The following GYPC variants were observed in gnomAD, a reference collection of about 807,000 sequenced individuals.
GYPC encodes the protein glycophorin-C.
A neutral mutation model predicts 12.6 loss-of-function variants in GYPC; 14 were observed. That is an observed-to-expected ratio of 1.11 (90% CI 0.74 to 1.74). GYPC has a LOEUF of 1.74. GYPC is among the 40% of genes most tolerant of loss of function. The pLI, the probability that GYPC is intolerant of heterozygous loss-of-function variation, is 0.00. For synonymous variants in GYPC, 78 were observed against 62.1 expected (o/e 1.26, Z -1.20); for missense variants, 225 against 172.1 (o/e 1.31, Z -1.72).
chr2:126,690,169 G>C (rs776074372), intron 1 of GYPC, 86 bp from the exon 2 acceptor site: 3 of 972,048 alleles, frequency 3.1e-6, no homozygotes, highest in Non-Finnish European at 5.0e-6. Flanking sequence ...GCTCACACCT[G>C]AGCAAAGGAT....
intron 1 of GYPC, among the ~76,000 whole-genome samples, chr2:126,672,584 G>A (rs1682881488): frequency 6.6e-6 from 1 of 152,174 alleles, no homozygotes. Flanking sequence ...GGACCCTTAG[G>A]GAGCAGGGAG....
chr2:126,694,945 C>T (rs577421767), intron 3 of GYPC, among the ~76,000 whole-genome samples: 319 of 152,290 alleles, frequency 2.1e-3, no homozygotes, highest in Admixed American at 5.7e-3. Context: ...CCCCACCCCT[C>T]TGGAGTCCCA....
chr2:126,672,132 G>C (rs1044960481), intron 1 of GYPC, among the ~76,000 whole-genome samples: 3 of 152,154 alleles, frequency 2.0e-5, no homozygotes, highest in African/African-American at 4.8e-5. Context: ...GTGGTAGAGA[G>C]ATGAGGGGAC....
At chr2:126,669,720 C>T (rs933557597) in intron 1 of GYPC, among the ~76,000 whole-genome samples, 2 of 152,138 alleles carry the variant, frequency 1.3e-5, no homozygotes, top group African/African-American at 2.4e-5. Context: ...CAGGACGTGG[C>T]GGTCACAGGA....
At chr2:126,685,917 G>A (rs1281273225) in intron 1 of GYPC, 1 of 985,234 alleles carries the variant, frequency 1.0e-6, no homozygotes, top group Non-Finnish European at 1.2e-6. Flanking sequence ...ACACCTAGGT[G>A]TTCTAGTCTG....
In GYPC at chr2:126,656,208, C is replaced by A. The variant is rs1682346296; in HGVS notation, c.-56C>A. The A allele has an allele frequency of 1.9e-6, 3 of 1,552,930 alleles. No homozygotes were observed. The highest frequency in any genetic ancestry group is 1.9e-5 in the Admixed American group (1 of 52,640). ...CCGGGAGCGCGACCCTCCCCCGGCC[C>A]GGCCTGGCCCGGCCTGGCCAGTCCC... On this transcript the variant is annotated 5_prime_UTR_variant, in exon 1 of 4. Coordinates refer to ENST00000259254, the MANE Select transcript of GYPC (RefSeq NM_002101.5).
At chr2:126,692,740 A>G (rs1683510763) in intron 2 of GYPC, among the ~76,000 whole-genome samples, 1 of 152,198 alleles carries the variant, frequency 6.6e-6, no homozygotes, top group African/African-American at 2.4e-5. Flanking sequence ...ATAGTGTCAT[A>G]GAGTGGTCCT....
At chr2:126,688,135 C>A (rs937892844) in intron 1 of GYPC, among the ~76,000 whole-genome samples, 3 of 152,192 alleles carry the variant, frequency 2.0e-5, no homozygotes, top group Non-Finnish European at 4.4e-5. Context: ...TTGAGAGCAG[C>A]ACCTGGCATT....
chr2:126,670,207 G>A (rs1005916779), intron 1 of GYPC, among the ~76,000 whole-genome samples: 7 of 152,216 alleles, frequency 4.6e-5, no homozygotes, highest in Non-Finnish European at 8.8e-5. Flanking sequence ...GCACGCCACT[G>A]CCCAGAGCTG....
chr2:126,657,210 T>TGAGCTTG (rs534515526), intron 1 of GYPC, among the ~76,000 whole-genome samples: 3 of 152,322 alleles, frequency 2.0e-5, no homozygotes, highest in African/African-American at 7.2e-5. Context: ...TCACCCCGCC[T>TGAGCTTG]GAGCTTGGAG....
intron 1 of GYPC, among the ~76,000 whole-genome samples, chr2:126,662,677 G>A (rs2104770669): frequency 6.6e-6 from 1 of 152,208 alleles, no homozygotes; most frequent in African/African-American, 2.4e-5. Context: ...ATTTTGCACT[G>A]GGCTCTGCAA....
chr2:126,672,261 T>C (rs900385118), intron 1 of GYPC, among the ~76,000 whole-genome samples: 1 of 152,146 alleles, frequency 6.6e-6, no homozygotes, highest in South Asian at 2.1e-4. Context: ...CATCTCACCT[T>C]AGCCCTAACA....
chr2:126,683,642 T>C (rs1683209077), intron 1 of GYPC, among the ~76,000 whole-genome samples: 1 of 152,234 alleles, frequency 6.6e-6, no homozygotes, highest in Non-Finnish European at 1.5e-5. Flanking sequence ...AAATTTTTTT[T>C]CTAAGGCTCA....
intron 1 of GYPC, among the ~76,000 whole-genome samples, chr2:126,664,292 A>G (rs1682622028): frequency 6.6e-6 from 1 of 152,032 alleles, no homozygotes; most frequent in South Asian, 2.1e-4. Flanking sequence ...CTCAGAGAGT[A>G]GAGATGAGGC....
At chr2:126,673,804 ACACT>A (rs1435200126) in intron 1 of GYPC, among the ~76,000 whole-genome samples, 6 of 152,320 alleles carry the variant, frequency 3.9e-5, no homozygotes, top group Middle Eastern at 3.4e-3. Flanking sequence ...ACATGCACAC[ACACT>A]CACACACACA....
chr2:126,686,009 C>T, intron 1 of GYPC: 1 of 985,318 alleles, frequency 1.0e-6, no homozygotes. Context: ...GACAGATGGA[C>T]AGGAGGAAGA....
intron 1 of GYPC, among the ~76,000 whole-genome samples, chr2:126,669,553 T>C (rs1343641720): frequency 6.6e-6 from 1 of 152,122 alleles, no homozygotes; most frequent in Non-Finnish European, 1.5e-5. Context: ...TATCAGGCCT[T>C]GGTAATTCGC....
intron 1 of GYPC, among the ~76,000 whole-genome samples, chr2:126,677,262 T>C (rs948535688): frequency 6.6e-6 from 1 of 151,786 alleles, no homozygotes; most frequent in African/African-American, 2.4e-5. Flanking sequence ...TGTGTATAAG[T>C]GTGTGAGTGC....
intron 1 of GYPC, among the ~76,000 whole-genome samples, chr2:126,677,795 G>A (rs978778490): frequency 5.3e-5 from 8 of 152,128 alleles, no homozygotes; most frequent in Admixed American, 3.3e-4. Flanking sequence ...GCACCAAAAC[G>A]CATGCTCCCT....
Sources: gnomAD v4.1 joint callset for allele counts (sites outside exome capture counted in the v4.1 genomes callset) on GRCh38, gnomAD v4.1.1 for gene constraint, MANE v1.5 for transcripts, NCBI Gene and HGNC (gene_info 2026-07-23, HGNC 2026-07-21) for gene names.